FAT1: variants seen among roughly 807,000 people sequenced by gnomAD.
The protein encoded by FAT1 is protocadherin Fat 1.
In FAT1, 171 loss-of-function variants were observed where a neutral mutation model predicts 329.8. The observed-to-expected ratio is 0.52, with a 90% CI of 0.46 to 0.59. The LOEUF is 0.59. Ranked by LOEUF, FAT1 falls within the 20% of genes least tolerant of loss-of-function variation. The pLI, the probability that FAT1 is intolerant of heterozygous loss-of-function variation, is 0.00. For missense variants in FAT1, 5,672 were observed against 5,774.4 expected, an observed-to-expected ratio of 0.98 and a Z score of 0.57; for synonymous variants, 2,233 against 2,228.6, an observed-to-expected ratio of 1.00 and a Z score of -0.06.
rs2126352033 is a variant in FAT1 at position 186,588,890 on chromosome 4, A to T, written c.13469T>A (p.Leu4490Ter). The T allele has an allele frequency of 6.2e-7, 1 of 1,613,994 alleles. No homozygotes were observed. Among genetic ancestry groups the T allele is most frequent in the African/African-American group, 1.3e-5 (1 of 75,044 alleles). ...NRQRFNLNQYLPNFYPLDMSE... is the reference protein window; with the variant it reads ...NRQRFNLNQY ...CATATCGAGGGGATAAAAATTGGGC[A>T]AATACTGATTCAAGTTGAACCTCTG... The change falls in exon 27 of 27, where the codon TTG becomes TAG. Residue 4490 changes from leucine to a stop codon, truncating the protein, a stop_gained. Coordinates refer to ENST00000441802, the MANE Select transcript of FAT1 (RefSeq NM_005245.4). LOFTEE classifies it high-confidence loss of function.
At position 186,671,710 on chromosome 4, in the gene FAT1, A is replaced by T. The variant is rs907468372; in HGVS notation, c.3266-8097T>A. 2.0e-4 allele frequency among the ~76,000 whole-genome samples: 30 copies of T among 148,542 alleles called. No homozygotes were observed. The South Asian group carries it at 2.9e-3, about 14-fold the overall frequency. ...CGAAACTCCGTCTCAAAAAAAAATAAAAATAAAAATAAAAATAACGATACT... is the reference window on the plus strand; with the variant it reads ...CGAAACTCCGTCTCAAAAAAAAATATAAATAAAAATAAAAATAACGATACT... On this transcript the variant is annotated intron_variant, in intron 2 of 26. Transcript: ENST00000441802.
chr4:186,698,194 GTCCTTGAGT>G (rs1744127926), intron 2 of FAT1, among the ~76,000 whole-genome samples: 1 of 152,286 alleles, frequency 6.6e-6, no homozygotes, highest in East Asian at 1.9e-4. Context: ...GCTGGACTGT[GTCCTTGAGT>G]TCATGGAGAC....
At chr4:186,659,995 T>C (rs372565110) in intron 3 of FAT1, among the ~76,000 whole-genome samples, 14 of 152,280 alleles carry the variant, frequency 9.2e-5, no homozygotes, top group African/African-American at 2.9e-4. Context: ...AGAAACACCA[T>C]GAATCACAAA....
At chr4:186,597,287 A>G in intron 24 of FAT1, 116 bp from the exon 25 acceptor site, 8 of 1,180,444 alleles carry the variant, frequency 6.8e-6, no homozygotes, top group Non-Finnish European at 9.2e-6. Flanking sequence ...TGAAGATCAA[A>G]CCCAGATAAA....
chr4:186,604,262 C>T, intron 18 of FAT1, 115 bp downstream of exon 18: 1 of 886,476 alleles, frequency 1.1e-6, no homozygotes, highest in Non-Finnish European at 1.7e-6. Context: ...GACAGCAATT[C>T]TATGAAAGTT....
At chr4:186,646,352 T>G (rs899861046) in intron 3 of FAT1, among the ~76,000 whole-genome samples, 1 of 152,240 alleles carries the variant, frequency 6.6e-6, no homozygotes, top group African/African-American at 2.4e-5. Flanking sequence ...CGCCCTTTTA[T>G]TTTACAATAA....
At chr4:186,661,468 C>T (rs1225313445) in intron 3 of FAT1, among the ~76,000 whole-genome samples, 1 of 152,098 alleles carries the variant, frequency 6.6e-6, no homozygotes, top group Non-Finnish European at 1.5e-5. Context: ...CATAAAAGGC[C>T]CAAGAAAGCA....
chr4:186,666,728 T>C (rs1742454198), intron 2 of FAT1, among the ~76,000 whole-genome samples: 1 of 152,240 alleles, frequency 6.6e-6, no homozygotes, highest in South Asian at 2.1e-4. Context: ...GTTTACTAAA[T>C]GCCAGGCCCT....
intron 26 of FAT1, among the ~76,000 whole-genome samples, chr4:186,590,143 T>C (rs1279350120): frequency 7.3e-6 from 1 of 137,554 alleles, no homozygotes; most frequent in Non-Finnish European, 1.6e-5. Flanking sequence ...CTTCCAATTT[T>C]GGAATAGTTT....
chr4:186,708,460 T>G lies in FAT1; in HGVS notation c.1368A>C (p.Ala456=), dbSNP rs1259972922. 6.2e-7 allele frequency: 1 copy of G among 1,614,014 alleles called. No homozygotes were observed. The change falls in exon 2 of 27, where the codon GCA becomes GCC. Residue 456 remains alanine (A), a synonymous_variant. Coordinates refer to ENST00000441802, the MANE Select transcript of FAT1 (RefSeq NM_005245.4). ...STKVLVKVLG[A]NSNPPEFTQT... The stretch of plus-strand genomic sequence containing the variant: ...GGGTAAATTCAGGGGGATTGCTATT[T>G]GCACCTAAGACTTTCACCAAGACCT...
chr4:186,628,797 T>C (rs1313998215), intron 7 of FAT1, 34 bp from the exon 8 acceptor site: 1 of 1,584,668 alleles, frequency 6.3e-7, no homozygotes, highest in Admixed American at 1.8e-5. Flanking sequence ...CATACAATAT[T>C]TCCAATTATG....
chr4:186,718,820 C>T (rs916193351), intron 1 of FAT1, among the ~76,000 whole-genome samples: 14 of 152,270 alleles, frequency 9.2e-5, no homozygotes, highest in South Asian at 4.1e-4. Flanking sequence ...ACTCCCTCTC[C>T]GCCAAACGCT....
rs752969272 is a variant in FAT1 at position 186,620,066 on chromosome 4, C to A, written c.6520G>T (p.Val2174Phe). ...AACACAGGCATGGCTTTATTCATGA[C>A]AGTGATCGGAACGATAACTTCCGCT... is the stretch of plus-strand genomic sequence containing the variant. ...FSAEVIVPIT[V>F]MNKAMPVFEK... Residue 2174 changes from valine (V) to phenylalanine (F), a missense_variant, in exon 10 of 27, where the codon GTC (valine) becomes TTC (phenylalanine). Transcript: ENST00000441802. 4.3e-6 allele frequency: 7 copies of A among 1,614,022 alleles called. No homozygotes were observed. In the Admixed American group the frequency reaches 5.0e-5, roughly 12 times the overall value.
chr4:186,709,804 G>A lies in FAT1; in HGVS notation c.24C>T (p.Leu8=), dbSNP rs759163194. MGRHLAL[L]LLLLLLFQHF... ...GTTGGAAGAGAAGGAGCAGAAGCAG[G>A]AGCAAAGCCAAATGTCTCCCCATTG... is the stretch of plus-strand genomic sequence containing the variant. Residue 8 remains leucine, a synonymous_variant, in exon 2 of 27, where the codon CTC becomes CTT. Transcript: ENST00000441802. The A allele has an allele frequency of 1.2e-6, 2 of 1,606,166 alleles. No individual in the cohort carries two copies. The highest frequency in any genetic ancestry group is 2.7e-5 in the African/African-American group (2 of 74,918).
At position 186,663,468 on chromosome 4, in the gene FAT1, T is replaced by C; in HGVS notation, c.3411A>G (p.Pro1137=). ...IEVEDVNDNA[P]QTSEPVYYPE... ...GGTAATAAACAGGCTCTGATGTCTG[T>C]GGTGCATTGTCATTGACATCCTCAA... The change falls in exon 3 of 27, where the codon CCA becomes CCG. Residue 1137 remains proline (P), a synonymous_variant. Coordinates refer to ENST00000441802, the MANE Select transcript of FAT1 (RefSeq NM_005245.4). The C allele has an allele frequency of 6.2e-7, 1 of 1,614,056 alleles. No homozygotes were observed. The highest frequency in any genetic ancestry group is 8.5e-7 in the Non-Finnish European group (1 of 1,179,908).
At chr4:186,590,519 C>A in intron 26 of FAT1, 1 of 564,308 alleles carries the variant, frequency 1.8e-6, no homozygotes. Flanking sequence ...GCCCAATCAG[C>A]CATACAGCAT....
At chr4:186,607,335 G>GTGAATGGATGGA (rs1455490267) in intron 16 of FAT1, among the ~76,000 whole-genome samples, 1 of 152,164 alleles carries the variant, frequency 6.6e-6, no homozygotes, top group Non-Finnish European at 1.5e-5. Context: ...GCACAGATGA[G>GTGAATGGATGGA]TGAATGGATG....
rs767036990 is a variant in FAT1, at chr4:186,709,257, G to C, written c.571C>G (p.Arg191Gly). Residue 191 changes from arginine (R) to glycine (G), a missense_variant, in exon 2 of 27, where the codon CGA becomes GGA. Physicochemically the swap from Arg to Gly is moderately radical, Grantham distance 125. Transcript: ENST00000441802. Reference protein sequence around the residue: ...NGEFYYSFKDRTDMFAIHPTS... With the variant: ...NGEFYYSFKDGTDMFAIHPTS... ...GGGTGAATAGCAAACATATCTGTTCGATCTTTAAAACTGTAGTAAAATTCC... is the reference window on the plus strand; with the variant it reads ...GGGTGAATAGCAAACATATCTGTTCCATCTTTAAAACTGTAGTAAAATTCC... The C allele has an allele frequency of 1.2e-6, 2 of 1,613,906 alleles. No individual in the cohort carries two copies. Among genetic ancestry groups the C allele is most frequent in the South Asian group, 1.1e-5 (1 of 91,074 alleles).
intron 26 of FAT1, among the ~76,000 whole-genome samples, chr4:186,591,385 A>G (rs1394070207): frequency 6.6e-6 from 1 of 152,242 alleles, no homozygotes; most frequent in East Asian, 1.9e-4. Flanking sequence ...GGTGTCTCTA[A>G]AACATGAATA....
Sources: allele counts gnomAD v4.1 joint callset (sites outside exome capture counted in the v4.1 genomes callset), GRCh38; gene constraint gnomAD v4.1.1; transcripts MANE v1.5; gene names NCBI Gene and HGNC (gene_info 2026-07-23, HGNC 2026-07-21).